RYR3: variants seen among roughly 807,000 people sequenced by gnomAD.
RYR3 encodes the protein brain ryanodine receptor-calcium release channel.
RYR3 carries 207 observed loss-of-function variants against 584.3 expected under a neutral mutation model. The observed-to-expected ratio is 0.35, with a 90% CI of 0.32 to 0.40. The LOEUF is 0.40. RYR3 is among the 10% of genes least tolerant of loss of function. The pLI is 1.00. For missense variants in RYR3, 5,616 were observed against 6,089.2 expected, an observed-to-expected ratio of 0.92 and a Z score of 2.59; for synonymous variants, 2,416 against 2,248.5, an observed-to-expected ratio of 1.07 and a Z score of -2.11.
rs577992492 is a variant in RYR3, at chr15:33,803,873, G to C, written c.10011+1912G>C. 3.3e-5 allele frequency among the ~76,000 whole-genome samples: 5 copies of C among 152,278 alleles called. No individual in the cohort carries two copies. The South Asian group carries it at 6.2e-4, about 19-fold the overall frequency. ...GGACTGAACCAGCTAGCATCCATTG[G>C]GATTGTCAGGGAACAATCACAAAGC... is the stretch of plus-strand genomic sequence containing the variant. On this transcript the variant is annotated intron_variant, in intron 69 of 103. Transcript: ENST00000634891.
chr15:33,571,530 C>T (rs2058027609), intron 12 of RYR3, among the ~76,000 whole-genome samples: 1 of 151,874 alleles, frequency 6.6e-6, no homozygotes, highest in Non-Finnish European at 1.5e-5. Flanking sequence ...ATAAATTTGC[C>T]CTTTTGTAAT....
chr15:33,395,906 T>A (rs1261778233), intron 1 of RYR3, among the ~76,000 whole-genome samples: 4 of 152,172 alleles, frequency 2.6e-5, no homozygotes, highest in Non-Finnish European at 4.4e-5. Context: ...TAGTTGACCC[T>A]CAGTATCCAT....
At chr15:33,416,619 T>C (rs1355985175) in intron 1 of RYR3, among the ~76,000 whole-genome samples, 1 of 152,212 alleles carries the variant, frequency 6.6e-6, no homozygotes, top group East Asian at 1.9e-4. Flanking sequence ...TGCAAATATA[T>C]TTTCTCCTAT....
intron 42 of RYR3, among the ~76,000 whole-genome samples, chr15:33,705,192 G>A (rs1418669457): frequency 6.7e-6 from 1 of 150,226 alleles, no homozygotes; most frequent in East Asian, 1.9e-4. Context: ...TGAAAACTCT[G>A]CCCAATTCTG....
At chr15:33,772,217 C>A in intron 63 of RYR3, 59 bp downstream of exon 63, 1 of 1,085,062 alleles carries the variant, frequency 9.2e-7, no homozygotes, top group South Asian at 1.3e-5. Context: ...ATAGGAGGTG[C>A]AGGGCCCATT....
intron 48 of RYR3, 23 bp from the exon 49 acceptor site, chr15:33,736,212 A>G (rs761387632): frequency 1.4e-6 from 2 of 1,460,182 alleles, no homozygotes; most frequent in Non-Finnish European, 1.9e-6. Context: ...TTATTTATCT[A>G]CGTTTGTCAT....
intron 27 of RYR3, among the ~76,000 whole-genome samples, chr15:33,640,942 A>C (rs1345288450): frequency 6.6e-6 from 1 of 152,180 alleles, no homozygotes; most frequent in African/African-American, 2.4e-5. Flanking sequence ...CAATATGGAA[A>C]TCCTTCTTTA....
rs542706231 is a variant in RYR3 at position 33,719,043 on chromosome 15, T to G, written c.6620-3672T>G. ...GTGAAGCTTGCTGAGCTACAGGTAA[T>G]TAGGAAGAGACTGTCTCTCCCTCCT... On this transcript the variant is annotated intron_variant, in intron 43 of 103. Transcript: ENST00000634891. 9.2e-4 allele frequency among the ~76,000 whole-genome samples: 140 copies of G among 152,328 alleles called. 1 individual carries two copies. The highest frequency in any genetic ancestry group is 3.3e-3 in the African/African-American group (139 of 41,580).
intron 57 of RYR3, among the ~76,000 whole-genome samples, chr15:33,754,628 A>G (rs2071637354): frequency 6.6e-6 from 1 of 152,242 alleles, no homozygotes; most frequent in Admixed American, 6.5e-5. Context: ...CCTTTAAAAT[A>G]TACCCAGAGG....
At chr15:33,475,159 C>T (rs1291517627) in intron 2 of RYR3, among the ~76,000 whole-genome samples, 1 of 152,110 alleles carries the variant, frequency 6.6e-6, no homozygotes, top group Non-Finnish European at 1.5e-5. Flanking sequence ...ACTCATGTGA[C>T]CGTGGGACAA....
Position 33,515,616 on chromosome 15 carries a change from A to T in RYR3, c.279+11878A>T, listed in dbSNP as rs370380502. Among the ~76,000 whole-genome samples, 10 of 152,252 alleles carry T rather than the reference A, an allele frequency of 6.6e-5. No homozygotes were observed. The South Asian group carries it at 1.0e-3, about 16-fold the overall frequency. On this transcript the variant is annotated intron_variant, in intron 3 of 103. Coordinates refer to ENST00000634891, the MANE Select transcript of RYR3 (RefSeq NM_001036.6). ...GGCCTCTGCTAATACTATTTATTGC[A>T]TTTGCAGTTTCTTGTGAGATTTTAT... is the stretch of plus-strand genomic sequence containing the variant.
At chr15:33,552,152 C>T (rs547883442) in intron 10 of RYR3, among the ~76,000 whole-genome samples, 3 of 152,270 alleles carry the variant, frequency 2.0e-5, no homozygotes, top group South Asian at 2.1e-4. Context: ...CAGGATCAGG[C>T]GGCCTTCCAG....
intron 102 of RYR3, among the ~76,000 whole-genome samples, chr15:33,863,083 T>TTGGAA (rs1889036831): frequency 6.6e-6 from 1 of 152,146 alleles, no homozygotes; most frequent in Admixed American, 6.5e-5. Flanking sequence ...GTCCTTTGGG[T>TTGGAA]TGGAACCCCT....
intron 16 of RYR3, among the ~76,000 whole-genome samples, chr15:33,600,362 GC>G (rs1343233412): frequency 6.6e-6 from 1 of 152,136 alleles, no homozygotes; most frequent in African/African-American, 2.4e-5. Context: ...GGCGCAACCT[GC>G]CATATCGTGG....
chr15:33,825,535 T>C (rs2152963651), intron 81 of RYR3, 68 bp from the exon 82 acceptor site: 4 of 1,011,460 alleles, frequency 4.0e-6, no homozygotes, highest in East Asian at 4.8e-5. Flanking sequence ...GATAGGTACA[T>C]TAACATTAGA....
At chr15:33,478,678 C>T (rs181821586) in intron 2 of RYR3, among the ~76,000 whole-genome samples, 1 of 152,190 alleles carries the variant, frequency 6.6e-6, no homozygotes, top group Admixed American at 6.5e-5. Context: ...TAACACTTAC[C>T]CCACAGTAAT....
At chr15:33,747,529 A>G (rs530252320) in intron 53 of RYR3, among the ~76,000 whole-genome samples, 47 of 149,662 alleles carry the variant, frequency 3.1e-4, no homozygotes, top group African/African-American at 1.1e-3. Context: ...GCTTCAAGCA[A>G]TTCTTTTGCC....
chr15:33,670,397 A>C (rs1390355605), intron 37 of RYR3, 22 bp from the exon 38 acceptor site: 9 of 1,612,070 alleles, frequency 5.6e-6, no homozygotes, highest in Non-Finnish European at 7.6e-6. Context: ...TTGGATTTTC[A>C]CCCTGTTCTG....
intron 14 of RYR3, among the ~76,000 whole-genome samples, chr15:33,582,687 T>G (rs1255333586): frequency 6.6e-6 from 1 of 152,178 alleles, no homozygotes; most frequent in Non-Finnish European, 1.5e-5. Flanking sequence ...ATCTAGTAAC[T>G]GATGGAGCTA....
Sources: allele counts gnomAD v4.1 joint callset (sites outside exome capture counted in the v4.1 genomes callset), GRCh38; gene constraint gnomAD v4.1.1; transcripts MANE v1.5; gene names NCBI Gene and HGNC (gene_info 2026-07-23, HGNC 2026-07-21).